The following GAK variants were observed in gnomAD, a reference collection of about 807,000 sequenced individuals.
The protein encoded by GAK is cyclin-G-associated kinase.
In GAK, 79 loss-of-function variants were observed where a neutral mutation model predicts 143.9. That is an observed-to-expected ratio of 0.55 (90% CI 0.46 to 0.66). The LOEUF is 0.66. Ranked by LOEUF, GAK falls within the 30% of genes least tolerant of loss-of-function variation. GAK has a pLI of 0.00. For missense variants in GAK, 1,693 were observed against 1,779.7 expected (o/e 0.95, Z 0.88); for synonymous variants, 881 against 765.5 (o/e 1.15, Z -2.49).
chr4:884,006 C>A, intron 12 of GAK, 31 bp downstream of exon 12: 1 of 1,603,504 alleles, frequency 6.2e-7, no homozygotes, highest in Non-Finnish European at 8.5e-7. Flanking sequence ...AGGGCCGGGG[C>A]GCGTCCCACA....
intron 24 of GAK, among the ~76,000 whole-genome samples, chr4:854,119 T>C (rs999654503): frequency 3.4e-4 from 45 of 132,376 alleles, no homozygotes; most frequent in Middle Eastern, 3.8e-3. Context: ...ATTTTCTTTC[T>C]TTTTTTTTTT....
intron 23 of GAK, among the ~76,000 whole-genome samples, chr4:860,206 C>T (rs1169988688): frequency 2.8e-5 from 4 of 145,048 alleles, no homozygotes; most frequent in East Asian, 2.0e-4. Context: ...GTGGGAGGAT[C>T]GCTCCAGCCC....
At chr4:930,946 A>C (rs1725607156) in intron 1 of GAK, among the ~76,000 whole-genome samples, 1 of 152,192 alleles carries the variant, frequency 6.6e-6, no homozygotes, top group African/African-American at 2.4e-5. Context: ...CCTGAGAGGT[A>C]CCAGGGAGCT....
chr4:929,143 C>T (rs184908477), intron 1 of GAK, among the ~76,000 whole-genome samples: 1 of 152,178 alleles, frequency 6.6e-6, no homozygotes, highest in East Asian at 1.9e-4. Context: ...CAGGACCACA[C>T]ACAAGTGGCC....
chr4:913,535 T>C, intron 2 of GAK, 72 bp downstream of exon 2: 2 of 1,193,602 alleles, frequency 1.7e-6, no homozygotes, highest in Non-Finnish European at 2.5e-6. Flanking sequence ...GACGCATCCC[T>C]GAAAAGACTG....
rs774558099 is a variant in GAK at position 851,874 on chromosome 4, G to A, written c.3384C>T (p.Gly1128=). 1.8e-5 allele frequency: 29 copies of A among 1,610,172 alleles called. No homozygotes were observed. The South Asian group carries it at 3.0e-4, about 17-fold the overall frequency. ...SWQTSRPPAQ[G]ASWPPQAKPP... is the part of the protein sequence containing the mutation. The stretch of plus-strand genomic sequence containing the variant: ...GCTTGGCCTGAGGGGGCCATGAGGC[G>A]CCCTGGGCTGGCGGCCGACTTGTCT... Residue 1128 remains glycine, a synonymous_variant, in exon 25 of 28, where the codon GGC becomes GGT. Transcript: ENST00000314167.
At position 849,459 on chromosome 4, in the gene GAK, G is replaced by A. The variant is rs1019470043; in HGVS notation, c.*214C>T. The A allele has an allele frequency of 1.2e-5, 7 of 572,954 alleles. No individual in the cohort carries two copies. The highest frequency in any genetic ancestry group is 1.1e-4 in the African/African-American group (6 of 53,436). The allele number at this position is 572,954 out of a possible 1,614,324, so 35.5% of individuals were successfully genotyped here. ...ATTGCGGGAGGAGCATGAATCAGCT[G>A]TTCCTTCGGGAGGAGAAAAAGGAAA... On this transcript the variant is annotated 3_prime_UTR_variant, in exon 28 of 28. Coordinates refer to ENST00000314167, the MANE Select transcript of GAK (RefSeq NM_005255.4).
At chr4:905,226 CGTGGA>C (rs1222597991) in intron 4 of GAK, among the ~76,000 whole-genome samples, 1 of 152,176 alleles carries the variant, frequency 6.6e-6, no homozygotes, top group African/African-American at 2.4e-5. Flanking sequence ...ACCCCCACAC[CGTGGA>C]GTGTACTTTT....
intron 4 of GAK, among the ~76,000 whole-genome samples, chr4:908,433 T>C (rs1560416163): frequency 6.6e-6 from 1 of 152,142 alleles, no homozygotes; most frequent in Non-Finnish European, 1.5e-5. Context: ...GAGGCCTTGG[T>C]GGGAGGATCA....
At chr4:894,157 G>C in intron 7 of GAK, 148 bp from the exon 8 acceptor site, 1 of 885,898 alleles carries the variant, frequency 1.1e-6, no homozygotes. Flanking sequence ...TGACACTGGG[G>C]ACTGCAGGGA....
intron 22 of GAK, among the ~76,000 whole-genome samples, chr4:865,912 C>T (rs1246715848): frequency 6.6e-6 from 1 of 152,262 alleles, no homozygotes; most frequent in Non-Finnish European, 1.5e-5. Flanking sequence ...GCCCCGGCGC[C>T]TGACCTCCTC....
At chr4:877,882 A>G in intron 15 of GAK, 73 bp from the exon 16 acceptor site, 1 of 1,384,838 alleles carries the variant, frequency 7.2e-7, no homozygotes, top group Admixed American at 2.8e-5. Context: ...TTGTCTTTCG[A>G]ATAGAAGTTT....
At chr4:856,489 TCACACCTACTCACCAC>T in intron 24 of GAK, among the ~76,000 whole-genome samples, 1 of 119,502 alleles carries the variant, frequency 8.4e-6, no homozygotes. Context: ...CCACAGCTGC[TCACACCTACTCACCAC>T]CACAGCTGCT....
At chr4:919,378 G>C (rs540858456) in intron 1 of GAK, among the ~76,000 whole-genome samples, 86 of 152,320 alleles carry the variant, frequency 5.6e-4, no homozygotes, top group Non-Finnish European at 7.3e-4. Context: ...CATGACCTTA[G>C]AAAGACAGAA....
chr4:871,399 C>A (rs74907285), intron 18 of GAK, among the ~76,000 whole-genome samples: 1 of 152,212 alleles, frequency 6.6e-6, no homozygotes, highest in African/African-American at 2.4e-5. Flanking sequence ...GCTCAGAGCA[C>A]GCACTCTGGG....
intron 23 of GAK, among the ~76,000 whole-genome samples, chr4:861,917 G>A (rs1213937033): frequency 2.0e-5 from 3 of 152,248 alleles, no homozygotes; most frequent in Non-Finnish European, 4.4e-5. Flanking sequence ...AAGAGGTGAA[G>A]ACGCTGCAGA....
rs1335766464 is a variant in GAK at position 932,126 on chromosome 4, G to A, written c.62C>T (p.Ser21Phe). 12 of 1,591,442 alleles carry A rather than the reference G, an allele frequency of 7.5e-6. No individual in the cohort carries two copies. The highest frequency in any genetic ancestry group is 1.3e-5 in the African/African-American group (1 of 74,200). The change falls in exon 1 of 28, where the codon TCC becomes TTC. Residue 21 changes from serine (S) to phenylalanine (F), a missense_variant. By Grantham distance (155) the Ser-to-Phe change is radical. This residue lies in a region of GAK where 871 missense variants were observed against 991.0 expected (regional missense o/e 0.88). Transcript: ENST00000314167. The surrounding 1 kb of genome is among the most constrained non-coding windows in gnomAD (Gnocchi z 4.0). ...LAGPGSLGGA[S>F]GRDQSDFVGQ... ...CACGAAGTCACTCTGGTCGCGGCCGGAAGCACCGCCCAGGGAGCCTGGACC... is the reference window on the plus strand; with the variant it reads ...CACGAAGTCACTCTGGTCGCGGCCGAAAGCACCGCCCAGGGAGCCTGGACC...
chr4:913,298 T>A (rs1722366046), intron 2 of GAK, among the ~76,000 whole-genome samples: 1 of 152,212 alleles, frequency 6.6e-6, no homozygotes, highest in Non-Finnish European at 1.5e-5. Context: ...TTTAAACTCC[T>A]TGTATTCATA....
At chr4:862,657 CA>C (rs34817637) in intron 23 of GAK, among the ~76,000 whole-genome samples, 10,821 of 123,416 alleles carry the variant, frequency 0.088, 481 homozygotes, top group Non-Finnish European at 0.12. Flanking sequence ...GACTCTGTCT[CA>C]AAAAAAAAAA....
Sources: allele counts gnomAD v4.1 joint callset (sites outside exome capture counted in the v4.1 genomes callset), GRCh38; gene constraint gnomAD v4.1.1; regional missense constraint gnomAD v4.1.1; non-coding constraint Gnocchi (gnomAD v3.1); transcripts MANE v1.5; gene names NCBI Gene and HGNC (gene_info 2026-07-23, HGNC 2026-07-21).